ZNF804A: variants seen among roughly 807,000 people sequenced by gnomAD.
ZNF804A encodes zinc finger protein 804A.
ZNF804A carries 2 observed loss-of-function variants against 16.5 expected under a neutral mutation model. That is an observed-to-expected ratio of 0.12 (90% CI 0.05 to 0.38). The LOEUF (loss-of-function observed/expected upper bound fraction) is 0.38, where lower values mean the gene tolerates loss of function less well. Ranked by LOEUF, ZNF804A falls within the 10% of genes least tolerant of loss-of-function variation. The probability of loss-of-function intolerance (pLI) is 0.99; values close to 1 mark genes in which losing one functional copy is unlikely to be tolerated. For synonymous variants in ZNF804A, 534 were observed against 489.6 expected, an observed-to-expected ratio of 1.09 and a Z score of -1.20; for missense variants, 1,473 against 1,390.7, an observed-to-expected ratio of 1.06 and a Z score of -0.94.
At chr2:184,877,961 A>T (rs959257670) in intron 2 of ZNF804A, among the ~76,000 whole-genome samples, 2 of 152,090 alleles carry the variant, frequency 1.3e-5, no homozygotes, top group African/African-American at 4.8e-5. Flanking sequence ...CCAGGCATTG[A>T]CCCGTAGAAG....
At chr2:184,752,735 T>A (rs185019406) in intron 1 of ZNF804A, among the ~76,000 whole-genome samples, 136 of 151,720 alleles carry the variant, frequency 9.0e-4, no homozygotes, top group Middle Eastern at 3.4e-3. Context: ...ATATATAACG[T>A]TTAATATTGA....
At chr2:184,671,605 C>T (rs1261904212) in intron 1 of ZNF804A, among the ~76,000 whole-genome samples, 1 of 152,184 alleles carries the variant, frequency 6.6e-6, no homozygotes, top group African/African-American at 2.4e-5. Context: ...CTAGTGCTTT[C>T]TCAATATTCA....
intron 1 of ZNF804A, among the ~76,000 whole-genome samples, chr2:184,639,854 T>C (rs1258696857): frequency 1.3e-5 from 2 of 151,796 alleles, no homozygotes; most frequent in Admixed American, 6.6e-5. Flanking sequence ...TACAAAAAAT[T>C]AGCCAGGCGA....
chr2:184,626,876 A>ACATT (rs1167887916), intron 1 of ZNF804A, among the ~76,000 whole-genome samples: 1 of 152,212 alleles, frequency 6.6e-6, no homozygotes, highest in Non-Finnish European at 1.5e-5. Flanking sequence ...AGCAGAGAAG[A>ACATT]CATTCAAACC....
chr2:184,666,262 T>C (rs1286767460), intron 1 of ZNF804A, among the ~76,000 whole-genome samples: 2 of 152,166 alleles, frequency 1.3e-5, no homozygotes, highest in Non-Finnish European at 1.5e-5. Flanking sequence ...GTATATCATA[T>C]TTGATTATCT....
chr2:184,868,322 G>A lies in ZNF804A; in HGVS notation c.255+1810G>A, dbSNP rs1407275598. On this transcript the variant is annotated intron_variant, in intron 2 of 3. Transcript: ENST00000302277. Reference sequence around the variant, plus strand: ...AAGATAATAGTGCGTCTTTGAGCGTGTCTTCCTAGAGAATGCTCTCCTTTT... The same window carrying A: ...AAGATAATAGTGCGTCTTTGAGCGTATCTTCCTAGAGAATGCTCTCCTTTT... 2.0e-5 allele frequency among the ~76,000 whole-genome samples: 3 copies of A among 152,026 alleles called. No homozygotes were observed. In the East Asian group the frequency reaches 5.8e-4, roughly 29 times the overall value.
At chr2:184,677,361 C>T (rs1559123925) in intron 1 of ZNF804A, among the ~76,000 whole-genome samples, 1 of 151,880 alleles carries the variant, frequency 6.6e-6, no homozygotes, top group Non-Finnish European at 1.5e-5. Flanking sequence ...ATGGCTGACT[C>T]ACTGTCACTA....
intron 2 of ZNF804A, among the ~76,000 whole-genome samples, chr2:184,918,954 C>G (rs909249846): frequency 3.9e-5 from 6 of 152,032 alleles, no homozygotes; most frequent in African/African-American, 1.2e-4. Flanking sequence ...GAAGAATTTC[C>G]TATGTAATTA....
intron 1 of ZNF804A, among the ~76,000 whole-genome samples, chr2:184,756,497 T>G: frequency 6.6e-6 from 1 of 152,180 alleles, no homozygotes; most frequent in Middle Eastern, 3.4e-3. Context: ...TTCTTACATT[T>G]TATGTATAAA....
chr2:184,661,813 A>G (rs1692180243), intron 1 of ZNF804A, among the ~76,000 whole-genome samples: 1 of 152,120 alleles, frequency 6.6e-6, no homozygotes, highest in African/African-American at 2.4e-5. Context: ...CACTCTCAAG[A>G]TGATATAAGT....
chr2:184,649,226 G>A (rs1455907312), intron 1 of ZNF804A, among the ~76,000 whole-genome samples: 1 of 151,950 alleles, frequency 6.6e-6, no homozygotes, highest in African/African-American at 2.4e-5. Context: ...AAAAATCTTT[G>A]AATAAATGAA....
At chr2:184,761,241 C>T (rs1694032808) in intron 1 of ZNF804A, among the ~76,000 whole-genome samples, 1 of 152,090 alleles carries the variant, frequency 6.6e-6, no homozygotes, top group Admixed American at 6.6e-5. Context: ...TGCATACAGG[C>T]AAGCACAGTT....
intron 1 of ZNF804A, among the ~76,000 whole-genome samples, chr2:184,665,086 A>G (rs949564414): frequency 6.6e-6 from 1 of 152,228 alleles, no homozygotes; most frequent in African/African-American, 2.4e-5. Flanking sequence ...TCAGAGATCT[A>G]CATTAATATT....
At chr2:184,810,206 A>G (rs1350386231) in intron 1 of ZNF804A, among the ~76,000 whole-genome samples, 1 of 152,272 alleles carries the variant, frequency 6.6e-6, no homozygotes, top group East Asian at 1.9e-4. Context: ...AGTTGGAACA[A>G]ATACTATATG....
chr2:184,663,032 T>A (rs1692201522), intron 1 of ZNF804A, among the ~76,000 whole-genome samples: 1 of 152,202 alleles, frequency 6.6e-6, no homozygotes, highest in African/African-American at 2.4e-5. Flanking sequence ...CAGTGGCCCC[T>A]CTGGAGTAGC....
intron 1 of ZNF804A, among the ~76,000 whole-genome samples, chr2:184,637,490 T>G (rs1004822766): frequency 2.0e-5 from 3 of 152,206 alleles, no homozygotes; most frequent in African/African-American, 7.2e-5. Context: ...ATTTTATTGC[T>G]GTATTCCAAA....
intron 1 of ZNF804A, among the ~76,000 whole-genome samples, chr2:184,611,141 G>C (rs1691231469): frequency 6.6e-6 from 1 of 152,086 alleles, no homozygotes; most frequent in Non-Finnish European, 1.5e-5. Context: ...TGGGGGAAGT[G>C]GGCAAAAGAA....
intron 1 of ZNF804A, among the ~76,000 whole-genome samples, chr2:184,666,276 A>T (rs11891662): frequency 0.29 from 44,331 of 151,944 alleles, 6,998 homozygotes; most frequent in African/African-American, 0.41. Flanking sequence ...ATTATCTCAA[A>T]ATAGCCTTAT....
At chr2:184,798,422 C>T (rs906966896) in intron 1 of ZNF804A, among the ~76,000 whole-genome samples, 11 of 151,634 alleles carry the variant, frequency 7.3e-5, no homozygotes, top group African/African-American at 1.2e-4. Context: ...TTCTTGGAGG[C>T]TTTGTTCATA....
Sources: gnomAD v4.1 joint callset for allele counts (sites outside exome capture counted in the v4.1 genomes callset) on GRCh38, gnomAD v4.1.1 for gene constraint, MANE v1.5 for transcripts, NCBI Gene and HGNC (gene_info 2026-07-23, HGNC 2026-07-21) for gene names.